RPL34: variants seen among roughly 807,000 people sequenced by gnomAD.
RPL34 encodes the protein ribosomal protein L34.
RPL34 carries 2 observed loss-of-function variants against 16.3 expected under a neutral mutation model. That is an observed-to-expected ratio of 0.12 (90% confidence interval 0.05 to 0.39). The LOEUF (loss-of-function observed/expected upper bound fraction) is 0.39, where lower values mean the gene tolerates loss of function less well. Ranked by LOEUF, RPL34 falls within the 10% of genes least tolerant of loss-of-function variation. The probability of loss-of-function intolerance (pLI) is 0.99; values close to 1 mark genes in which losing one functional copy is unlikely to be tolerated. For missense variants in RPL34, 82 were observed against 148.8 expected, an observed-to-expected ratio of 0.55 and a Z score of 2.33; for synonymous variants, 47 against 48.5, an observed-to-expected ratio of 0.97 and a Z score of 0.13.
At chr4:108,621,081 A>G (rs748204543) in intron 1 of RPL34, 16 of 152,090 alleles carry the variant, frequency 1.1e-4, no homozygotes, top group East Asian at 5.8e-4. Context: ...TGGAGATGCA[A>G]ACAGAATAAT....
Position 108,625,367 on chromosome 4 carries a change from G to A in RPL34, c.*155G>A, listed in dbSNP as rs1190638689. On this transcript the variant is annotated 3_prime_UTR_variant, in exon 5 of 5. Coordinates refer to ENST00000394667, the MANE Select transcript of RPL34 (RefSeq NM_001319236.2). ...CAGATTACTTTTTCTTGTTTTGTTT[G>A]TTGTTTGTTTGTTTTTGGTTTGGTT... 1.2e-5 allele frequency: 6 copies of A among 521,180 alleles called. No individual in the cohort carries two copies. Among genetic ancestry groups the A allele is most frequent in the Non-Finnish European group, 2.0e-5 (6 of 293,082 alleles). 32.3% of individuals were successfully genotyped at this position (521,180 alleles called of 1,614,324 possible). A position where few individuals can be genotyped will look rare whatever the true frequency, so the allele number is the denominator to read the frequency against.
downstream of RPL34, among the ~76,000 whole-genome samples, chr4:108,628,966 C>T (rs541765047): frequency 2.6e-4 from 40 of 152,196 alleles, no homozygotes; most frequent in African/African-American, 9.4e-4. Context: ...ATTACAGGCG[C>T]CTGCCACCAC....
Position 108,621,945 on chromosome 4 carries a change from A to T in RPL34, c.-9-6A>T. 1 of 1,547,358 alleles carries T rather than the reference A, an allele frequency of 6.5e-7. No individual in the cohort carries two copies. The highest frequency in any genetic ancestry group is 2.2e-5 in the East Asian group (1 of 44,602). ...AAGATTTGATGTTACTCTATTCTTA[A>T]TTTAGGCACTCAGAATGGTCCAGCG... is the stretch of plus-strand genomic sequence containing the variant. On this transcript the variant is annotated splice_region_variant and splice_polypyrimidine_tract_variant and intron_variant, in intron 1 of 4. Coordinates refer to ENST00000394667, the MANE Select transcript of RPL34 (RefSeq NM_001319236.2).
chr4:108,629,201 G>C (rs1726105536), downstream of RPL34, among the ~76,000 whole-genome samples: 1 of 152,162 alleles, frequency 6.6e-6, no homozygotes, highest in Non-Finnish European at 1.5e-5. Context: ...AGTCAAAACT[G>C]GAAGCCCACT....
chr4:108,628,586 A>G (rs1315909490), downstream of RPL34, among the ~76,000 whole-genome samples: 1 of 152,186 alleles, frequency 6.6e-6, no homozygotes, highest in South Asian at 2.1e-4. Flanking sequence ...TGCTGCTCCA[A>G]GTTAGGTAGA....
chr4:108,628,351 CTGTG>C (rs75726956), downstream of RPL34, among the ~76,000 whole-genome samples: 1 of 151,996 alleles, frequency 6.6e-6, no homozygotes, highest in Non-Finnish European at 1.5e-5. Context: ...AGTTCTGTGA[CTGTG>C]TTTTATTGTA....
downstream of RPL34, among the ~76,000 whole-genome samples, chr4:108,626,471 A>G (rs1356878525): frequency 1.1e-5 from 1 of 91,562 alleles, no homozygotes; most frequent in Non-Finnish European, 2.3e-5. Context: ...TTTTTTTTGA[A>G]ATGGAGCCTT....
At chr4:108,629,798 A>G (rs1178870957), downstream of RPL34, among the ~76,000 whole-genome samples, 1 of 152,204 alleles carries the variant, frequency 6.6e-6, no homozygotes, top group African/African-American at 2.4e-5. Context: ...TAGCAACTTA[A>G]TAACATCCTA....
intron 1 of RPL34, 121 bp downstream of exon 1, chr4:108,620,721 C>G (rs1725721892): frequency 1.2e-5 from 2 of 167,838 alleles, no homozygotes; most frequent in South Asian, 2.1e-4. Context: ...GGGTAAGGGG[C>G]ACAACAGGGA....
At chr4:108,628,585 A>G (rs904897062), downstream of RPL34, among the ~76,000 whole-genome samples, 3 of 152,174 alleles carry the variant, frequency 2.0e-5, no homozygotes, top group Non-Finnish European at 4.4e-5. Context: ...TTGCTGCTCC[A>G]AGTTAGGTAG....
downstream of RPL34, among the ~76,000 whole-genome samples, chr4:108,626,063 G>T (rs1010929484): frequency 3.1e-4 from 47 of 152,074 alleles, no homozygotes; most frequent in Non-Finnish European, 1.0e-4. Context: ...TGGGTCAAGG[G>T]TATAGTTTCT....
rs1725801231 is a variant in RPL34 at position 108,622,033 on chromosome 4, T to G, written c.65+9T>G. 4 of 1,595,948 alleles carry G rather than the reference T, an allele frequency of 2.5e-6. No individual in the cohort carries two copies. Among genetic ancestry groups the G allele is most frequent in the Non-Finnish European group, 3.4e-6 (4 of 1,163,842 alleles). ...TCTAACAAAACTAGGCTGTAAGTAT[T>G]TCTGAAAATTTTAAGTATATATTGT... On this transcript the variant is annotated intron_variant, in intron 2 of 4. Coordinates refer to ENST00000394667, the MANE Select transcript of RPL34 (RefSeq NM_001319236.2).
At chr4:108,628,317 A>G (rs1316589680), downstream of RPL34, among the ~76,000 whole-genome samples, 1 of 151,946 alleles carries the variant, frequency 6.6e-6, no homozygotes, top group African/African-American at 2.4e-5. Flanking sequence ...CTCATGATTC[A>G]GGCTTATATA....
downstream of RPL34, among the ~76,000 whole-genome samples, chr4:108,626,077 C>T (rs1036716233): frequency 1.3e-5 from 2 of 152,146 alleles, no homozygotes; most frequent in Non-Finnish European, 2.9e-5. Context: ...AGTTTCTGAT[C>T]TACATTGGAT....
chr4:108,629,591 G>T (rs1726115831), downstream of RPL34, among the ~76,000 whole-genome samples: 1 of 152,128 alleles, frequency 6.6e-6, no homozygotes, highest in Non-Finnish European at 1.5e-5. Context: ...ATTGAATCCA[G>T]TTCTATGTGT....
chr4:108,624,464 G>T (rs548741523), intron 4 of RPL34, among the ~76,000 whole-genome samples: 4 of 152,152 alleles, frequency 2.6e-5, no homozygotes, highest in African/African-American at 9.7e-5. Context: ...AGGAAGACCT[G>T]CTTTTTGCTA....
chr4:108,621,564 A>G, intron 1 of RPL34: 2 of 238,280 alleles, frequency 8.4e-6, no homozygotes, highest in South Asian at 1.0e-4. Context: ...TGCCCTTTAT[A>G]TTCCCAGTAA....
At chr4:108,628,477 T>A (rs1578326848), downstream of RPL34, among the ~76,000 whole-genome samples, 1 of 152,102 alleles carries the variant, frequency 6.6e-6, no homozygotes, top group South Asian at 2.1e-4. Context: ...TTTTGAAAGG[T>A]TTGAGATGTA....
chr4:108,629,820 C>G (rs1267075215), downstream of RPL34, among the ~76,000 whole-genome samples: 1 of 152,172 alleles, frequency 6.6e-6, no homozygotes, highest in African/African-American at 2.4e-5. Context: ...AATCTTTACC[C>G]CAGTGATTAA....
Sources: gnomAD v4.1 joint callset for allele counts (sites outside exome capture counted in the v4.1 genomes callset) on GRCh38, gnomAD v4.1.1 for gene constraint, MANE v1.5 for transcripts, NCBI Gene and HGNC (gene_info 2026-07-23, HGNC 2026-07-21) for gene names.